ESYT2: variants seen among roughly 807,000 people sequenced by gnomAD.
ESYT2 encodes extended synaptotagmin-2.
Under a neutral mutation model 107.2 loss-of-function variants are expected in ESYT2, and 54 were observed. The ratio of observed to expected loss-of-function variants is 0.50; its 90% confidence interval spans 0.40 to 0.63. The LOEUF (loss-of-function observed/expected upper bound fraction) is 0.63, where lower values mean the gene tolerates loss of function less well. ESYT2 is among the 30% of genes least tolerant of loss of function. ESYT2 has a pLI of 0.00. For missense variants in ESYT2, 1,020 were observed against 1,094.5 expected (o/e 0.93, Z 0.96); for synonymous variants, 491 against 434.1 (o/e 1.13, Z -1.63).
At chr7:158,787,439 C>T (rs1326583655) in intron 6 of ESYT2, among the ~76,000 whole-genome samples, 1 of 152,144 alleles carries the variant, frequency 6.6e-6, no homozygotes, top group Non-Finnish European at 1.5e-5. Flanking sequence ...GTTCATTAAA[C>T]ACACCCCAAA....
intron 18 of ESYT2, 124 bp from the exon 19 acceptor site, chr7:158,739,245 T>G: frequency 1.3e-6 from 1 of 757,788 alleles, no homozygotes. Context: ...AAATTACCCA[T>G]GAACTTAAAC....
At chr7:158,823,060 A>C (rs1349306565) in intron 1 of ESYT2, among the ~76,000 whole-genome samples, 1 of 151,916 alleles carries the variant, frequency 6.6e-6, no homozygotes, top group Non-Finnish European at 1.5e-5. Context: ...TGGGAGGCTG[A>C]GGCAGGCGGA....
intron 1 of ESYT2, among the ~76,000 whole-genome samples, chr7:158,828,084 C>A (rs1040574881): frequency 1.3e-5 from 2 of 152,186 alleles, no homozygotes; most frequent in African/African-American, 4.8e-5. Flanking sequence ...TCAGGTCGAT[C>A]CCATATAAAA....
intron 1 of ESYT2, among the ~76,000 whole-genome samples, chr7:158,813,217 A>G (rs2129474021): frequency 6.6e-6 from 1 of 152,368 alleles, no homozygotes; most frequent in Admixed American, 6.5e-5. Flanking sequence ...GACATTCTAG[A>G]AAGGGCAAAA....
intron 1 of ESYT2, among the ~76,000 whole-genome samples, chr7:158,817,304 T>C (rs1443746907): frequency 6.6e-6 from 1 of 152,240 alleles, no homozygotes; most frequent in Non-Finnish European, 1.5e-5. Flanking sequence ...CTCTGAAGCC[T>C]GCTACCTGGA....
At chr7:158,739,729 AG>A (rs35991307) in intron 18 of ESYT2, among the ~76,000 whole-genome samples, 1 of 152,172 alleles carries the variant, frequency 6.6e-6, no homozygotes, top group Non-Finnish European at 1.5e-5. Context: ...GAGTGGACCC[AG>A]GGGACCCCAG....
chr7:158,825,242 G>A (rs934223345), intron 1 of ESYT2, among the ~76,000 whole-genome samples: 1 of 152,190 alleles, frequency 6.6e-6, no homozygotes, highest in South Asian at 2.1e-4. Context: ...GCGGTGAGCC[G>A]AGACCATGCC....
At chr7:158,737,248 T>C (rs989373210) in intron 19 of ESYT2, 69 bp from the exon 20 acceptor site, 13 of 1,542,566 alleles carry the variant, frequency 8.4e-6, no homozygotes, top group African/African-American at 2.8e-5. Context: ...CACATTCAGA[T>C]ATGCTTTATC....
intron 1 of ESYT2, among the ~76,000 whole-genome samples, chr7:158,810,378 C>T (rs61425887): frequency 2.6e-5 from 4 of 152,138 alleles, no homozygotes; most frequent in Admixed American, 2.6e-4. Context: ...GTTACACTAT[C>T]TAGTAAGTGA....
At chr7:158,812,559 A>C (rs1840018913) in intron 1 of ESYT2, among the ~76,000 whole-genome samples, 1 of 152,252 alleles carries the variant, frequency 6.6e-6, no homozygotes, top group African/African-American at 2.4e-5. Flanking sequence ...ATTCCTCAAA[A>C]TGTTAAACAT....
chr7:158,760,414 T>C (rs980550570), intron 11 of ESYT2, among the ~76,000 whole-genome samples: 1 of 152,218 alleles, frequency 6.6e-6, no homozygotes, highest in Non-Finnish European at 1.5e-5. Context: ...ACAGAAACCC[T>C]AAGCAAGTAC....
At chr7:158,807,779 T>C (rs1839875420) in intron 1 of ESYT2, among the ~76,000 whole-genome samples, 1 of 152,210 alleles carries the variant, frequency 6.6e-6, no homozygotes, top group Non-Finnish European at 1.5e-5. Flanking sequence ...CAAAAGAACT[T>C]TAATATGGTC....
chr7:158,737,168 G>C lies in ESYT2; in HGVS notation c.2279C>G (p.Ala760Gly), dbSNP rs1563614074. The C allele has an allele frequency of 1.2e-6, 2 of 1,613,562 alleles. No individual in the cohort carries two copies. Among genetic ancestry groups the C allele is most frequent in the East Asian group, 4.5e-5 (2 of 44,880 alleles). Residue 760 changes from alanine (A) to glycine (G), a missense_variant, in exon 20 of 23, where the codon GCC becomes GGC. By Grantham distance (60) the Ala-to-Gly change is moderately conservative. Transcript: ENST00000275418. ...GGGGTCAGAGCCGTCTTCAGAGAAG[G>C]CAATGAGGTTTCTTACAACACAAAC... ...VVVHACRNLI[A>G]FSEDGSDPYV...
At chr7:158,819,255 C>T (rs1341656407) in intron 1 of ESYT2, among the ~76,000 whole-genome samples, 1 of 152,200 alleles carries the variant, frequency 6.6e-6, no homozygotes, top group Non-Finnish European at 1.5e-5. Context: ...CTTCTGCTTA[C>T]AAAATTATCA....
chr7:158,808,313 G>A (rs1288363821), intron 1 of ESYT2, among the ~76,000 whole-genome samples: 8 of 152,230 alleles, frequency 5.3e-5, no homozygotes, highest in African/African-American at 9.6e-5. Flanking sequence ...CACGAGCCCC[G>A]TCCGGCACGT....
At chr7:158,764,527 C>G (rs769908680) in intron 9 of ESYT2, 150 bp downstream of exon 9, 18 of 831,050 alleles carry the variant, frequency 2.2e-5, no homozygotes, top group Non-Finnish European at 2.4e-5. Flanking sequence ...AGGTACGACA[C>G]TTTTTAAAGA....
intron 6 of ESYT2, among the ~76,000 whole-genome samples, chr7:158,784,250 A>C (rs1839031754): frequency 6.6e-6 from 1 of 152,224 alleles, no homozygotes; most frequent in Admixed American, 6.5e-5. Context: ...CCCAGTTACT[A>C]ACGTGTGGTC....
At chr7:158,807,022 AAT>A (rs911143234) in intron 1 of ESYT2, among the ~76,000 whole-genome samples, 3 of 151,370 alleles carry the variant, frequency 2.0e-5, no homozygotes, top group South Asian at 2.1e-4. Context: ...AGTTTATTCT[AAT>A]ATATATATAT....
intron 16 of ESYT2, among the ~76,000 whole-genome samples, chr7:158,746,516 A>AG (rs201484673): frequency 0.019 from 2,904 of 151,854 alleles, 95 homozygotes; most frequent in African/African-American, 0.066. Context: ...CCTCAAGAAA[A>AG]AAAAAAAAAA....
Sources: allele counts gnomAD v4.1 joint callset (sites outside exome capture counted in the v4.1 genomes callset), GRCh38; gene constraint gnomAD v4.1.1; transcripts MANE v1.5; gene names NCBI Gene and HGNC (gene_info 2026-07-23, HGNC 2026-07-21).